FIGN: variants seen among roughly 807,000 people sequenced by gnomAD.
FIGN encodes the protein fidgetin, microtubule severing factor.
In FIGN, 11 loss-of-function variants were observed where a neutral mutation model predicts 51.3. That is an observed-to-expected ratio of 0.21 (90% CI 0.13 to 0.35). The LOEUF is 0.35. FIGN is among the 10% of genes least tolerant of loss of function. FIGN has a pLI of 1.00. For missense variants in FIGN, 857 were observed against 943.6 expected (o/e 0.91, Z 1.20); for synonymous variants, 407 against 363.2 (o/e 1.12, Z -1.37).
At chr2:163,703,124 G>A (rs1354897574) in intron 2 of FIGN, among the ~76,000 whole-genome samples, 8 of 150,152 alleles carry the variant, frequency 5.3e-5, no homozygotes, top group African/African-American at 1.7e-4. Flanking sequence ...CAGTTTTTTT[G>A]TAATTGAAAA....
At chr2:163,701,772 T>C (rs2105350982) in intron 2 of FIGN, among the ~76,000 whole-genome samples, 1 of 152,314 alleles carries the variant, frequency 6.6e-6, no homozygotes, top group East Asian at 1.9e-4. Context: ...TTTATTAAGA[T>C]TTCTTACCAG....
chr2:163,613,828 T>G (rs1682821564), intron 2 of FIGN, among the ~76,000 whole-genome samples: 1 of 152,204 alleles, frequency 6.6e-6, no homozygotes, highest in Admixed American at 6.5e-5. Flanking sequence ...GCATTTTGAT[T>G]TTTAAAAAGG....
intron 2 of FIGN, chr2:163,617,168 A>C (rs1682892218): frequency 1.0e-6 from 1 of 985,180 alleles, no homozygotes; most frequent in Admixed American, 6.2e-5. Flanking sequence ...TTGGCTTTAA[A>C]ATATGGCATA....
At chr2:163,723,570 G>C (rs1684792821) in intron 2 of FIGN, among the ~76,000 whole-genome samples, 1 of 152,164 alleles carries the variant, frequency 6.6e-6, no homozygotes, top group Non-Finnish European at 1.5e-5. Context: ...CAAAGTCCTA[G>C]TAGGATTTCA....
chr2:163,655,236 C>T (rs559911524), intron 2 of FIGN, among the ~76,000 whole-genome samples: 3 of 152,264 alleles, frequency 2.0e-5, no homozygotes, highest in African/African-American at 7.2e-5. Flanking sequence ...CCAAATAGTT[C>T]CTCAACATTC....
chr2:163,611,886 GT>G, intron 2 of FIGN, 80 bp from the exon 3 acceptor site: 1 of 1,229,532 alleles, frequency 8.1e-7, no homozygotes, highest in Non-Finnish European at 1.1e-6. Context: ...AATTTCTTTT[GT>G]TACCTATTAT....
chr2:163,678,279 G>T (rs562522240), intron 2 of FIGN, among the ~76,000 whole-genome samples: 1 of 152,062 alleles, frequency 6.6e-6, no homozygotes, highest in Admixed American at 6.6e-5. Context: ...GGAGTGCAGT[G>T]GTGCGATCTT....
intron 2 of FIGN, among the ~76,000 whole-genome samples, chr2:163,667,125 C>T (rs773795603): frequency 4.6e-5 from 7 of 151,920 alleles, no homozygotes; most frequent in Non-Finnish European, 1.0e-4. Flanking sequence ...TGTTATCAGT[C>T]CCTCTCATTC....
intron 2 of FIGN, among the ~76,000 whole-genome samples, chr2:163,689,683 G>A: frequency 6.6e-6 from 1 of 152,044 alleles, no homozygotes; most frequent in South Asian, 2.1e-4. Flanking sequence ...CCATTTTGAT[G>A]GGTTGCTTCA....
intron 2 of FIGN, among the ~76,000 whole-genome samples, chr2:163,642,227 C>T (rs1000903125): frequency 3.3e-5 from 5 of 152,196 alleles, no homozygotes; most frequent in African/African-American, 1.2e-4. Context: ...TGTAGTTTCA[C>T]ACACTGTAAG....
At chr2:163,639,526 G>A (rs1683276042) in intron 2 of FIGN, among the ~76,000 whole-genome samples, 1 of 152,062 alleles carries the variant, frequency 6.6e-6, no homozygotes, top group Non-Finnish European at 1.5e-5. Context: ...AATTTCTACA[G>A]TGCTCTGAGG....
At position 163,610,551 on chromosome 2, in the gene FIGN, C is replaced by T. The variant is rs1309430688; in HGVS notation, c.1281G>A (p.Met427Ile). 2 of 1,614,186 alleles carry T rather than the reference C, an allele frequency of 1.2e-6. No homozygotes were observed. Among genetic ancestry groups the T allele is most frequent in the Non-Finnish European group, 1.7e-6 (2 of 1,180,040 alleles). The change falls in exon 3 of 3, where the codon ATG (methionine) becomes ATA (isoleucine). Residue 427 changes from methionine (M) to isoleucine (I), a missense_variant. Coordinates refer to ENST00000333129, the MANE Select transcript of FIGN (RefSeq NM_018086.4). The part of the protein sequence containing the change: ...ESFGKYTSPV[M>I]SEHGDEHRQL... Reference sequence around the variant, plus strand: ...GCCTGTGCTCGTCCCCATGCTCACTCATTACTGGCGATGTGTACTTCCCAA... The same window carrying T: ...GCCTGTGCTCGTCCCCATGCTCACTTATTACTGGCGATGTGTACTTCCCAA...
At chr2:163,687,782 T>G (rs1426755020) in intron 2 of FIGN, among the ~76,000 whole-genome samples, 1 of 152,202 alleles carries the variant, frequency 6.6e-6, no homozygotes, top group Non-Finnish European at 1.5e-5. Context: ...TTAGTAAAAT[T>G]CCTGTTTTTC....
At chr2:163,644,672 G>T (rs1683355368) in intron 2 of FIGN, among the ~76,000 whole-genome samples, 1 of 152,078 alleles carries the variant, frequency 6.6e-6, no homozygotes, top group Admixed American at 6.5e-5. Context: ...AAATATGGAA[G>T]CAACCCAAAT....
chr2:163,729,054 C>A (rs1205867826), intron 2 of FIGN, among the ~76,000 whole-genome samples: 2 of 152,124 alleles, frequency 1.3e-5, no homozygotes, highest in African/African-American at 4.8e-5. Flanking sequence ...AATATTTCAT[C>A]ATGAACTAAT....
chr2:163,649,895 T>G (rs371125841), intron 2 of FIGN, among the ~76,000 whole-genome samples: 1 of 152,184 alleles, frequency 6.6e-6, no homozygotes, highest in East Asian at 1.9e-4. Context: ...TGCCCATCAC[T>G]TATCTCATTA....
intron 2 of FIGN, among the ~76,000 whole-genome samples, chr2:163,687,304 A>G (rs1458797554): frequency 6.6e-6 from 1 of 152,154 alleles, no homozygotes; most frequent in Non-Finnish European, 1.5e-5. Context: ...GACAAACAAA[A>G]CCTTTCTCCA....
intron 2 of FIGN, among the ~76,000 whole-genome samples, chr2:163,624,983 A>G (rs1683033182): frequency 1.3e-5 from 2 of 151,984 alleles, no homozygotes; most frequent in African/African-American, 4.8e-5. Flanking sequence ...TTATTGCAAT[A>G]ATCTCTTTTT....
chr2:163,646,341 A>G (rs1211346921), intron 2 of FIGN, among the ~76,000 whole-genome samples: 1 of 152,162 alleles, frequency 6.6e-6, no homozygotes, highest in Non-Finnish European at 1.5e-5. Flanking sequence ...CATGTCACTA[A>G]GCTCTAAAAC....
Sources: gnomAD v4.1 joint callset for allele counts (sites outside exome capture counted in the v4.1 genomes callset) on GRCh38, gnomAD v4.1.1 for gene constraint, MANE v1.5 for transcripts, NCBI Gene and HGNC (gene_info 2026-07-23, HGNC 2026-07-21) for gene names.